BRCA1: variants seen among roughly 807,000 people sequenced by gnomAD.
BRCA1 encodes breast cancer type 1 susceptibility protein.
In BRCA1, 140 loss-of-function variants were observed where a neutral mutation model predicts 173.7. The ratio of observed to expected loss-of-function variants is 0.81; its 90% CI spans 0.70 to 0.93. The LOEUF (loss-of-function observed/expected upper bound fraction) is 0.93. Ranked by LOEUF, BRCA1 falls within the 40% of genes least tolerant of loss-of-function variation. The pLI is 0.00. For synonymous variants in BRCA1, 662 were observed against 756.0 expected, an observed-to-expected ratio of 0.88 and a Z score of 2.04; for missense variants, 1,983 against 2,172.5, an observed-to-expected ratio of 0.91 and a Z score of 1.73.
chr17:43,132,232 C>CTGACT (rs1194949032), intron 1 of BRCA1, among the ~76,000 whole-genome samples: 1 of 152,144 alleles, frequency 6.6e-6, no homozygotes, highest in Non-Finnish European at 1.5e-5. Context: ...GGGGTTGTGA[C>CTGACT]TGACTTCTCT....
At position 43,091,485 on chromosome 17, in the gene BRCA1, G is replaced by C. The variant is rs80357345; in HGVS notation, c.4046C>G (p.Thr1349Arg). 5 of 1,613,400 alleles carry C rather than the reference G, an allele frequency of 3.1e-6. No individual in the cohort carries two copies. The highest frequency in any genetic ancestry group is 4.2e-6 in the Non-Finnish European group (5 of 1,179,612). ...ELVSDDEERG[T>R]GLEENNQEEQ... is the part of the protein sequence containing the mutation. ...TTCTTGATTATTTTCTTCCAAGCCCGTTCCTCTTTCTTCATCATCTGAAAC... is the reference window on the plus strand; with the variant it reads ...TTCTTGATTATTTTCTTCCAAGCCCCTTCCTCTTTCTTCATCATCTGAAAC... The change falls in exon 10 of 23, where the codon ACG (threonine) becomes AGG (arginine). Residue 1349 changes from threonine to arginine, a missense_variant. Thr to Arg is a moderately conservative substitution (Grantham distance 71, BLOSUM62 -1). Coordinates refer to ENST00000357654, the MANE Select transcript of BRCA1 (RefSeq NM_007294.4).
At position 43,045,742 on chromosome 17, in the gene BRCA1, G is replaced by A. The variant is rs730881447; in HGVS notation, c.5528C>T (p.Ala1843Val). The stretch of plus-strand genomic sequence containing the variant: ...GTCCAGCTCCTGGCACTGGTAGAGT[G>A]CTACACTGTCCAACACCCACTCTCG... The part of the protein sequence containing the change: ...VTREWVLDSV[A>V]LYQCQELDTY... Residue 1843 changes from alanine to valine, a missense_variant, in exon 23 of 23, where the codon GCA (alanine) becomes GTA (valine). Physicochemically the swap from Ala to Val is moderately conservative, Grantham distance 64. Coordinates refer to ENST00000357654, the MANE Select transcript of BRCA1 (RefSeq NM_007294.4). The A allele has an allele frequency of 2.5e-6, 4 of 1,613,946 alleles. No homozygotes were observed. In the African/African-American group the frequency reaches 4.0e-5, roughly 16 times the overall value.
At position 43,067,681 on chromosome 17, in the gene BRCA1, C is replaced by T. The variant is rs889937720; in HGVS notation, c.5001G>A (p.Lys1667=). The T allele has an allele frequency of 1.2e-6, 2 of 1,612,422 alleles. No individual in the cohort carries two copies. Among genetic ancestry groups the T allele is most frequent in the Non-Finnish European group, 1.7e-6 (2 of 1,178,664 alleles). Reference sequence around the variant, plus strand: ...AAGTGATGTGGTGTTTTCTGGCAAACTTGTACACGAGCATCTGAAATTAAA... The same window carrying T: ...AAGTGATGTGGTGTTTTCTGGCAAATTTGTACACGAGCATCTGAAATTAAA... ...LTPEEFMLVY[K]FARKHHITLT... is the part of the protein sequence containing the mutation. Residue 1667 remains lysine (K), a synonymous_variant, in exon 16 of 23, where the codon AAG becomes AAA. Coordinates refer to ENST00000357654, the MANE Select transcript of BRCA1 (RefSeq NM_007294.4).
At chr17:43,082,261 G>C in intron 12 of BRCA1, 143 bp downstream of exon 12, 1 of 946,016 alleles carries the variant, frequency 1.1e-6, no homozygotes, top group Non-Finnish European at 1.6e-6. Flanking sequence ...TGTGAGCAGG[G>C]ACAAGAACCA....
At chr17:43,156,995 G>A (rs2056201361) in intron 1 of BRCA1, among the ~76,000 whole-genome samples, 1 of 152,142 alleles carries the variant, frequency 6.6e-6, no homozygotes, top group African/African-American at 2.4e-5. Context: ...TAGGCCTACT[G>A]TATATTTGCA....
intron 1 of BRCA1, among the ~76,000 whole-genome samples, chr17:43,136,896 A>G (rs60328142): frequency 0.036 from 5,546 of 152,270 alleles, 335 homozygotes; most frequent in African/African-American, 0.12. Flanking sequence ...ATCTAGAACT[A>G]GAAATACCAT....
At chr17:43,139,741 T>C (rs994130689) in intron 1 of BRCA1, 1 of 403,032 alleles carries the variant, frequency 2.5e-6, no homozygotes, top group Non-Finnish European at 5.0e-6. Flanking sequence ...CTTCTTTGTG[T>C]TTATGAGTTC....
At chr17:43,106,708 T>C (rs1467306978) in intron 3 of BRCA1, among the ~76,000 whole-genome samples, 175 bp from the exon 4 acceptor site, 1 of 152,184 alleles carries the variant, frequency 6.6e-6, no homozygotes, top group Non-Finnish European at 1.5e-5. Flanking sequence ...GGATGCTGCA[T>C]AAGCAAAAAC....
Position 43,094,113 on chromosome 17 carries a change from T to A in BRCA1, c.1418A>T (p.Asn473Ile), listed in dbSNP as rs80357057. Residue 473 changes from asparagine (N) to isoleucine (I), a missense_variant, in exon 10 of 23, where the codon AAC (asparagine) becomes ATC (isoleucine). Asn to Ile is a moderately radical substitution (Grantham distance 149). Coordinates refer to ENST00000357654, the MANE Select transcript of BRCA1 (RefSeq NM_007294.4). ...TAGATTTTCAGTTACATGGCTTAAG[T>A]TGGGGAGGCTTGCCTTCTTCCGATA... ...KTYRKKASLPNLSHVTENLII... is the reference protein window; with the variant it reads ...KTYRKKASLPILSHVTENLII... The A allele has an allele frequency of 5.6e-6, 9 of 1,613,992 alleles. No individual in the cohort carries two copies. The highest frequency in any genetic ancestry group is 4.0e-5 in the African/African-American group (3 of 74,934).
At chr17:43,069,257 C>T (rs2052282228) in intron 15 of BRCA1, among the ~76,000 whole-genome samples, 1 of 152,188 alleles carries the variant, frequency 6.6e-6, no homozygotes, top group Non-Finnish European at 1.5e-5. Flanking sequence ...GTTAGAAGAG[C>T]AATGCTGAAC....
chr17:43,110,260 ATGAACT>A (rs1226082780), intron 3 of BRCA1, among the ~76,000 whole-genome samples: 4 of 152,092 alleles, frequency 2.6e-5, no homozygotes, highest in African/African-American at 9.7e-5. Flanking sequence ...TTAAAAGAAA[ATGAACT>A]TGTATATGAC....
intron 1 of BRCA1, among the ~76,000 whole-genome samples, chr17:43,135,818 G>A (rs1032902029): frequency 6.6e-6 from 1 of 152,182 alleles, no homozygotes; most frequent in Non-Finnish European, 1.5e-5. Context: ...AGAGCTGGGC[G>A]AGAGGCCCTG....
intron 12 of BRCA1, 69 bp from the exon 13 acceptor site, chr17:43,076,683 T>A (rs1252155289): frequency 2.9e-5 from 45 of 1,576,922 alleles, no homozygotes; most frequent in Non-Finnish European, 3.4e-5. Flanking sequence ...CAGGTTAGAA[T>A]ACTGATTTTT....
At chr17:43,152,107 T>C (rs1567833536) in intron 1 of BRCA1, among the ~76,000 whole-genome samples, 1 of 152,200 alleles carries the variant, frequency 6.6e-6, no homozygotes, top group Non-Finnish European at 1.5e-5. Flanking sequence ...GAGCCAAGAT[T>C]TGAAATCAGC....
chr17:43,152,983 C>T (rs1044226134), intron 1 of BRCA1, among the ~76,000 whole-genome samples: 4 of 151,900 alleles, frequency 2.6e-5, no homozygotes, highest in Non-Finnish European at 5.9e-5. Context: ...TGCAGTGAGC[C>T]GAGATCTTGC....
intron 1 of BRCA1, chr17:43,133,013 CCG>C (rs1365885154): frequency 2.0e-5 from 3 of 152,094 alleles, no homozygotes; most frequent in Non-Finnish European, 4.4e-5. Context: ...ACATCGTGAT[CCG>C]CTGTCCTCGG....
rs2055733269 is a variant in BRCA1, at chr17:43,124,058, A to T, written c.39T>A (p.Asn13Lys). ...LSALRVEEVQ[N>K]VINAMQKILE... ...AGATTTTCTGCATAGCATTAATGAC[A>T]TTTTGTACTTCTTCAACGCGAAGAG... Residue 13 changes from asparagine (N) to lysine (K), a missense_variant, in exon 2 of 23, where the codon AAT (asparagine) becomes AAA (lysine). By Grantham distance (94) the Asn-to-Lys change is moderately conservative. Coordinates refer to ENST00000357654, the MANE Select transcript of BRCA1 (RefSeq NM_007294.4). 1.2e-6 allele frequency: 2 copies of T among 1,613,786 alleles called. No individual in the cohort carries two copies. Among genetic ancestry groups the T allele is most frequent in the South Asian group, 1.1e-5 (1 of 91,082 alleles).
At chr17:43,154,224 G>T (rs138383302) in intron 1 of BRCA1, among the ~76,000 whole-genome samples, 5,088 of 151,470 alleles carry the variant, frequency 0.034, 296 homozygotes, top group African/African-American at 0.12. Context: ...GGGGGCTCAC[G>T]CTTGTAATCC....
chr17:43,085,528 C>T (rs2053196284), intron 11 of BRCA1, among the ~76,000 whole-genome samples: 1 of 152,156 alleles, frequency 6.6e-6, no homozygotes. Flanking sequence ...TCCCAACACC[C>T]CTCACACAAG....
Sources: allele counts gnomAD v4.1 joint callset (sites outside exome capture counted in the v4.1 genomes callset), GRCh38; gene constraint gnomAD v4.1.1; transcripts MANE v1.5; gene names NCBI Gene and HGNC (gene_info 2026-07-23, HGNC 2026-07-21).